Variants in CCDC91 observed in about 807,000 individuals in gnomAD.
The protein encoded by CCDC91 is coiled-coil domain-containing protein 91.
A neutral mutation model predicts 63.2 loss-of-function variants in CCDC91; 48 were observed. That is an observed-to-expected ratio of 0.76 (90% confidence interval 0.60 to 0.97). The LOEUF (loss-of-function observed/expected upper bound fraction) is 0.97, where lower values mean the gene tolerates loss of function less well. Among genes scored for constraint, CCDC91 ranks in the 50% least tolerant of loss-of-function variants. The pLI, the probability that CCDC91 is intolerant of heterozygous loss-of-function variation, is 0.00. For missense variants in CCDC91, 500 were observed against 494.6 expected (o/e 1.01, Z -0.10); for synonymous variants, 167 against 165.8 (o/e 1.01, Z -0.06).
At chr12:28,349,298 A>G (rs1943026475) in intron 6 of CCDC91, among the ~76,000 whole-genome samples, 1 of 151,976 alleles carries the variant, frequency 6.6e-6, no homozygotes. Flanking sequence ...TTCCAGAGGT[A>G]TCTTTTATTT....
intron 12 of CCDC91, among the ~76,000 whole-genome samples, chr12:28,490,584 C>G (rs1951947232): frequency 6.6e-6 from 1 of 151,728 alleles, no homozygotes; most frequent in Admixed American, 6.6e-5. Context: ...ACAAATTTAT[C>G]CTTCTTCTTA....
chr12:28,466,166 A>G lies in CCDC91; in HGVS notation c.1101+13512A>G, dbSNP rs187959326. ...CTGAGCTTGAAAACAGGCTATACAC[A>G]AAGGAGACAAAAGAATAAAAAACAA... On this transcript the variant is annotated intron_variant, in intron 11 of 12. Coordinates refer to ENST00000536442, the MANE Select transcript of CCDC91 (RefSeq NM_018318.5). 5.1e-4 allele frequency among the ~76,000 whole-genome samples: 78 copies of G among 152,294 alleles called. 1 individual carries two copies. The highest frequency in any genetic ancestry group is 9.3e-4 in the Non-Finnish European group (63 of 68,010).
At chr12:28,209,535 A>G (rs539290674) in intron 1 of CCDC91, among the ~76,000 whole-genome samples, 21 of 151,828 alleles carry the variant, frequency 1.4e-4, no homozygotes, top group African/African-American at 4.6e-4. Flanking sequence ...GGTTCAAGTG[A>G]TTCTCCTGCC....
intron 1 of CCDC91, among the ~76,000 whole-genome samples, chr12:28,237,937 C>T (rs961639865): frequency 3.3e-5 from 5 of 152,178 alleles, no homozygotes; most frequent in African/African-American, 7.2e-5. Flanking sequence ...TGGGTCACAG[C>T]TTTAATATCA....
chr12:28,334,741 A>G (rs1364386077), intron 6 of CCDC91, among the ~76,000 whole-genome samples: 10 of 152,286 alleles, frequency 6.6e-5, no homozygotes, highest in South Asian at 4.1e-4. Context: ...GCAGTATCAT[A>G]TACATTTACC....
chr12:28,204,483 C>T (rs1286866554), intron 1 of CCDC91, among the ~76,000 whole-genome samples: 1 of 152,110 alleles, frequency 6.6e-6, no homozygotes, highest in African/African-American at 2.4e-5. Flanking sequence ...TTTCATCATT[C>T]AGAATGCAAA....
intron 1 of CCDC91, among the ~76,000 whole-genome samples, chr12:28,217,764 A>G (rs1375477408): frequency 1.3e-5 from 2 of 152,118 alleles, no homozygotes; most frequent in Non-Finnish European, 2.9e-5. Flanking sequence ...CCTGAAAAAA[A>G]AAATAAGGCT....
intron 1 of CCDC91, among the ~76,000 whole-genome samples, chr12:28,204,035 G>T (rs1215725602): frequency 1.3e-5 from 2 of 152,006 alleles, no homozygotes; most frequent in South Asian, 2.1e-4. Context: ...TGTATTTGTG[G>T]GTTTTGATGC....
At chr12:28,311,855 GT>G (rs1242914991) in intron 6 of CCDC91, among the ~76,000 whole-genome samples, 1 of 151,880 alleles carries the variant, frequency 6.6e-6, no homozygotes. Context: ...GCCTGTTGGT[GT>G]TTCCTGGTTG....
chr12:28,330,117 T>C (rs570534172), intron 6 of CCDC91, among the ~76,000 whole-genome samples: 3 of 152,332 alleles, frequency 2.0e-5, no homozygotes, highest in African/African-American at 7.2e-5. Flanking sequence ...TTATAATCCA[T>C]TGGGTCTATA....
intron 8 of CCDC91, among the ~76,000 whole-genome samples, chr12:28,440,327 G>T (rs1487614392): frequency 6.6e-6 from 1 of 152,138 alleles, no homozygotes; most frequent in Non-Finnish European, 1.5e-5. Flanking sequence ...TAATTACAGA[G>T]CCCTGCTGTG....
chr12:28,376,938 G>A (rs1944984413), intron 7 of CCDC91, among the ~76,000 whole-genome samples: 1 of 151,718 alleles, frequency 6.6e-6, no homozygotes, highest in East Asian at 1.9e-4. Flanking sequence ...ATAGTGAGTG[G>A]AAAGCACTCA....
intron 8 of CCDC91, among the ~76,000 whole-genome samples, chr12:28,414,599 T>G (rs1947524717): frequency 1.3e-5 from 2 of 152,206 alleles, no homozygotes; most frequent in Non-Finnish European, 2.9e-5. Flanking sequence ...CACATGATTC[T>G]TTTCTGTATG....
At chr12:28,537,101 A>G (rs554064804) in intron 12 of CCDC91, among the ~76,000 whole-genome samples, 3 of 152,228 alleles carry the variant, frequency 2.0e-5, no homozygotes, top group East Asian at 1.9e-4. Flanking sequence ...TGTTGTGGCA[A>G]CATTTCATTG....
chr12:28,193,469 C>CGGGTGCCT (rs1389674092), intron 1 of CCDC91, among the ~76,000 whole-genome samples: 1 of 152,014 alleles, frequency 6.6e-6, no homozygotes, highest in African/African-American at 2.4e-5. Context: ...GGCGTGGTTG[C>CGGGTGCCT]GGGTGCCTGT....
chr12:28,531,555 C>T (rs1281464129), intron 12 of CCDC91, among the ~76,000 whole-genome samples: 1 of 152,126 alleles, frequency 6.6e-6, no homozygotes, highest in African/African-American at 2.4e-5. Context: ...AGTACCATCA[C>T]TCATGTACTG....
intron 7 of CCDC91, among the ~76,000 whole-genome samples, chr12:28,381,506 T>C (rs1371035262): frequency 6.6e-6 from 1 of 152,174 alleles, no homozygotes; most frequent in African/African-American, 2.4e-5. Flanking sequence ...CTTTTTCCTT[T>C]ATCTTTTCCA....
At chr12:28,324,076 A>G (rs1007821721) in intron 6 of CCDC91, among the ~76,000 whole-genome samples, 4 of 151,916 alleles carry the variant, frequency 2.6e-5, no homozygotes, top group African/African-American at 9.7e-5. Context: ...ACCTTTTTAG[A>G]GTCTGCTGCA....
At chr12:28,456,748 A>G (rs1950075538) in intron 11 of CCDC91, among the ~76,000 whole-genome samples, 1 of 152,146 alleles carries the variant, frequency 6.6e-6, no homozygotes, top group Admixed American at 6.5e-5. Flanking sequence ...GGGTTAAAAA[A>G]TCTAATTTGT....
Sources: gnomAD v4.1 joint callset for allele counts (sites outside exome capture counted in the v4.1 genomes callset) on GRCh38, gnomAD v4.1.1 for gene constraint, MANE v1.5 for transcripts, NCBI Gene and HGNC (gene_info 2026-07-23, HGNC 2026-07-21) for gene names.